NINJ2: variants seen among roughly 807,000 people sequenced by gnomAD.
NINJ2 encodes the protein ninjurin-2.
A neutral mutation model predicts 11.7 loss-of-function variants in NINJ2; 12 were observed. The ratio of observed to expected loss-of-function variants is 1.02; its 90% CI spans 0.66 to 1.66. The LOEUF is 1.66. Among genes scored for constraint, NINJ2 ranks in the 40% most tolerant of loss-of-function variants. The pLI, the probability that NINJ2 is intolerant of heterozygous loss-of-function variation, is 0.00. For synonymous variants in NINJ2, 93 were observed against 76.8 expected, an observed-to-expected ratio of 1.21 and a Z score of -1.10; for missense variants, 187 against 181.8, an observed-to-expected ratio of 1.03 and a Z score of -0.16.
chr12:636,909 T>C (rs1225083031), intron 1 of NINJ2, among the ~76,000 whole-genome samples: 1 of 152,118 alleles, frequency 6.6e-6, no homozygotes, highest in African/African-American at 2.4e-5. Context: ...CCCAAAAAAC[T>C]GAAAGAAAGG....
intron 1 of NINJ2, among the ~76,000 whole-genome samples, chr12:611,237 T>TC (rs1948026168): frequency 8.1e-6 from 1 of 124,216 alleles, no homozygotes. Context: ...TTTTCTTTCT[T>TC]TCTTTCTTTC....
intron 1 of NINJ2, 113 bp from the exon 2 acceptor site, chr12:566,291 A>G (rs1439562122): frequency 2.5e-6 from 2 of 808,006 alleles, no homozygotes; most frequent in Admixed American, 2.6e-5. Context: ...TGGGAAGCTC[A>G]GGGCAAATGA....
At chr12:646,217 C>T (rs1170982860) in intron 1 of NINJ2, among the ~76,000 whole-genome samples, 1 of 152,208 alleles carries the variant, frequency 6.6e-6, no homozygotes, top group Non-Finnish European at 1.5e-5. Context: ...TACCTGCCTC[C>T]TCTTCAGGCT....
At chr12:595,883 A>T (rs1176918010) in intron 1 of NINJ2, among the ~76,000 whole-genome samples, 4 of 152,268 alleles carry the variant, frequency 2.6e-5, no homozygotes, top group African/African-American at 9.6e-5. Context: ...CTTCACAGAC[A>T]CCTCATCAAT....
chr12:607,666 T>G (rs902437924), intron 1 of NINJ2, among the ~76,000 whole-genome samples: 1 of 152,196 alleles, frequency 6.6e-6, no homozygotes, highest in African/African-American at 2.4e-5. Flanking sequence ...GGGGGAATGC[T>G]GAGCTAATGC....
chr12:593,149 C>G (rs1007106591), intron 1 of NINJ2, among the ~76,000 whole-genome samples: 1 of 152,014 alleles, frequency 6.6e-6, no homozygotes, highest in African/African-American at 2.4e-5. Context: ...AATATAGGAA[C>G]CATTCTCAAT....
chr12:615,723 T>G (rs1204538249), intron 1 of NINJ2, among the ~76,000 whole-genome samples: 1 of 152,218 alleles, frequency 6.6e-6, no homozygotes, highest in Non-Finnish European at 1.5e-5. Flanking sequence ...TTCACTCCAC[T>G]AGTACAGCAC....
chr12:600,091 G>A (rs904346678), intron 1 of NINJ2, among the ~76,000 whole-genome samples: 2 of 152,180 alleles, frequency 1.3e-5, no homozygotes, highest in African/African-American at 4.8e-5. Context: ...CTGAGCCACT[G>A]GGGGGTCTTG....
At chr12:619,334 G>A (rs1948128138) in intron 1 of NINJ2, among the ~76,000 whole-genome samples, 1 of 152,218 alleles carries the variant, frequency 6.6e-6, no homozygotes, top group Admixed American at 6.5e-5. Context: ...CAGAAGCTAT[G>A]TTAATGGCCA....
At chr12:578,837 G>C (rs529903171) in intron 1 of NINJ2, among the ~76,000 whole-genome samples, 2 of 152,340 alleles carry the variant, frequency 1.3e-5, no homozygotes, top group African/African-American at 4.8e-5. Context: ...GGCCCCAGCA[G>C]CTCCTGTCTT....
At chr12:610,528 C>T (rs1169233800) in intron 1 of NINJ2, 4 of 1,489,908 alleles carry the variant, frequency 2.7e-6, no homozygotes, top group Non-Finnish European at 2.7e-6. Context: ...CAGCCCAGGG[C>T]CCTGCATGCA....
At chr12:622,584 C>T (rs1948166738) in intron 1 of NINJ2, among the ~76,000 whole-genome samples, 1 of 152,074 alleles carries the variant, frequency 6.6e-6, no homozygotes, top group African/African-American at 2.4e-5. Context: ...CTACTGCACA[C>T]GTTTGCAGCA....
chr12:599,980 G>A (rs1371967045), intron 1 of NINJ2, among the ~76,000 whole-genome samples: 2 of 152,184 alleles, frequency 1.3e-5, no homozygotes, highest in Non-Finnish European at 1.5e-5. Context: ...CCAGGGCCCC[G>A]ATACTCAGCC....
intron 1 of NINJ2, among the ~76,000 whole-genome samples, chr12:634,437 T>C (rs1359894236): frequency 6.6e-6 from 1 of 152,004 alleles, no homozygotes; most frequent in Non-Finnish European, 1.5e-5. Context: ...TTTTTTGTAT[T>C]TTTAGTAGAG....
chr12:634,265 C>CTTTTTTTTTTTTTTTTTTTTTTTTTTTT lies in NINJ2; in HGVS notation c.33+29062_33+29063insAAAAAAAAAAAAAAAAAAAAAAAAAAAA, dbSNP rs67797144. 2.7e-4 allele frequency among the ~76,000 whole-genome samples: 16 copies of CTTTTTTTTTTTTTTTTTTTTTTTTTTTT among 59,524 alleles called. 6 individuals carry two copies. Among genetic ancestry groups the CTTTTTTTTTTTTTTTTTTTTTTTTTTTT allele is most frequent in the East Asian group, 1.7e-3 (2 of 1,174 alleles). 39.1% of individuals were successfully genotyped at this position (59,524 alleles called of 152,430 possible). A position where few individuals can be genotyped will look rare whatever the true frequency, so the allele number is the denominator to read the frequency against. On this transcript the variant is annotated intron_variant, in intron 1 of 3. Coordinates refer to ENST00000305108, the MANE Select transcript of NINJ2 (RefSeq NM_016533.6). ...AAATAAATGTTGATTAGTTGCAGTT[C>CTTTTTTTTTTTTTTTTTTTTTTTTTTTT]TTTTTTTTTTTTTTTTTTTTTTTTT...
At position 662,301 on chromosome 12, in the gene NINJ2, G is replaced by GCA. The variant is rs1937968305; in HGVS notation, c.33+1025_33+1026dup. Among the ~76,000 whole-genome samples, 4 of 152,202 alleles carry GCA rather than the reference G, an allele frequency of 2.6e-5. 1 individual carries two copies. Among genetic ancestry groups the GCA allele is most frequent in the Admixed American group, 2.6e-4 (4 of 15,280 alleles). On this transcript the variant is annotated intron_variant, in intron 1 of 3. Transcript: ENST00000305108. ...GTACTAGGTGAATGGTTTTGACACA[G>GCA]CACACCAAGCAGTCCTACAGTTCCC...
intron 1 of NINJ2, chr12:586,200 C>T (rs1947636730): frequency 6.6e-6 from 1 of 152,236 alleles, no homozygotes; most frequent in Non-Finnish European, 1.5e-5. Flanking sequence ...GGACCCTTCT[C>T]AGCACAGGGC....
At chr12:566,808 ACACT>A (rs566647445) in intron 1 of NINJ2, among the ~76,000 whole-genome samples, 72 of 152,354 alleles carry the variant, frequency 4.7e-4, no homozygotes, top group African/African-American at 1.6e-3. Context: ...TACTAGTTAA[ACACT>A]CACATCATTT....
At position 647,042 on chromosome 12, in the gene NINJ2, T is replaced by C. The variant is rs183261550; in HGVS notation, c.33+16286A>G. On this transcript the variant is annotated intron_variant, in intron 1 of 3. Transcript: ENST00000305108. ...GGGCTGGCACTCTCTCCCACCTGAC[T>C]TCCACATTGCCCCCTGCCCTCCCTA... Among the ~76,000 whole-genome samples, 84 of 152,284 alleles carry C rather than the reference T, an allele frequency of 5.5e-4. No individual in the cohort carries two copies. The East Asian group carries it at 0.013, about 23-fold the overall frequency.
Sources: allele counts gnomAD v4.1 joint callset (sites outside exome capture counted in the v4.1 genomes callset), GRCh38; gene constraint gnomAD v4.1.1; transcripts MANE v1.5; gene names NCBI Gene and HGNC (gene_info 2026-07-23, HGNC 2026-07-21).